DUSP5: variants seen among roughly 807,000 people sequenced by gnomAD.
DUSP5 encodes the protein dual specificity phosphatase 5.
Under a neutral mutation model 33.6 loss-of-function variants are expected in DUSP5, and 22 were observed. That is an observed-to-expected ratio of 0.66 (90% confidence interval 0.47 to 0.94). The LOEUF is 0.94. Among genes scored for constraint, DUSP5 ranks in the 40% least tolerant of loss-of-function variants. DUSP5 has a pLI of 0.00. For missense variants in DUSP5, 551 were observed against 522.1 expected (o/e 1.06, Z -0.54); for synonymous variants, 270 against 231.1 (o/e 1.17, Z -1.53).
At chr10:110,500,095 T>C (rs1046445099) in intron 1 of DUSP5, among the ~76,000 whole-genome samples, 1 of 152,232 alleles carries the variant, frequency 6.6e-6, no homozygotes, top group African/African-American at 2.4e-5. Flanking sequence ...CCAGTTCCAC[T>C]CCCCAGAGAC....
chr10:110,498,968 C>T (rs548494809), intron 1 of DUSP5, among the ~76,000 whole-genome samples: 1 of 152,202 alleles, frequency 6.6e-6, no homozygotes, highest in Non-Finnish European at 1.5e-5. Context: ...GTGGTCTTCA[C>T]CGACCCCCTT....
In DUSP5 at chr10:110,498,127, G is replaced by C. The variant is rs765038748; in HGVS notation, c.6G>C (p.Lys2Asn). 1 of 1,426,434 alleles carries C rather than the reference G, an allele frequency of 7.0e-7. No individual in the cohort carries two copies. Among genetic ancestry groups the C allele is most frequent in the Non-Finnish European group, 9.2e-7 (1 of 1,083,132 alleles). The allele number at this position is 1,426,434 out of a possible 1,614,324, so 88.4% of individuals were successfully genotyped here. ...TGGCCGGCGGCGGCGGCGGCATGAA[G>C]GTCACGTCGCTCGACGGGCGCCAGC... is the stretch of plus-strand genomic sequence containing the variant. M[K>N]VTSLDGRQLR... The change falls in exon 1 of 4, where the codon AAG (lysine) becomes AAC (asparagine). Residue 2 changes from lysine to asparagine, a missense_variant. Physicochemically the swap from Lys to Asn is moderately conservative, Grantham distance 94 (BLOSUM62 0). Around this residue, in one of 3 missense-constraint regions of DUSP5, gnomAD observed 381 missense variants for 310.4 expected, o/e 1.23. Coordinates refer to ENST00000369583, the MANE Select transcript of DUSP5 (RefSeq NM_004419.4).
chr10:110,504,209 C>T (rs896777813), intron 2 of DUSP5, among the ~76,000 whole-genome samples: 4 of 152,222 alleles, frequency 2.6e-5, no homozygotes, highest in African/African-American at 9.7e-5. Context: ...TGCGAAAGCA[C>T]GGCACATCTT....
At position 110,510,336 on chromosome 10, in the gene DUSP5, A is replaced by AT; in HGVS notation, c.1067dup (p.Ala358CysfsTer47). 2 of 1,614,144 alleles carry AT rather than the reference A, an allele frequency of 1.2e-6. No individual in the cohort carries two copies. Among genetic ancestry groups the AT allele is most frequent in the Non-Finnish European group, 1.7e-6 (2 of 1,180,020 alleles). ...CTGACATGCAGGGTGCCTACTGCAC[A>AT]TTCCCTGCCTCGGTGCTGGCACCGG... On this transcript the variant is annotated frameshift_variant, in exon 4 of 4. Coordinates refer to ENST00000369583, the MANE Select transcript of DUSP5 (RefSeq NM_004419.4). LOFTEE classifies it high-confidence loss of function.
At chr10:110,502,916 T>G in intron 2 of DUSP5, 47 bp downstream of exon 2, 2 of 1,608,370 alleles carry the variant, frequency 1.2e-6, no homozygotes, top group Middle Eastern at 3.3e-4. Flanking sequence ...TATTCTGGGC[T>G]CCTGTCTCCC....
At position 110,510,330 on chromosome 10, in the gene DUSP5, C is replaced by G. The variant is rs748846234; in HGVS notation, c.1059C>G (p.Tyr353Ter). The G allele has an allele frequency of 6.2e-7, 1 of 1,614,194 alleles. No homozygotes were observed. Among genetic ancestry groups the G allele is most frequent in the Non-Finnish European group, 8.5e-7 (1 of 1,180,040 alleles). The part of the protein sequence containing the change: ...QTLSPDMQGA[Y>*]CTFPASVLAP... ...TGAGCCCTGACATGCAGGGTGCCTA[C>G]TGCACATTCCCTGCCTCGGTGCTGG... Residue 353 changes from tyrosine (Y) to a stop codon, truncating the protein, a stop_gained, in exon 4 of 4, where the codon TAC (tyrosine) becomes TAG (stop). Coordinates refer to ENST00000369583, the MANE Select transcript of DUSP5 (RefSeq NM_004419.4). LOFTEE classifies it high-confidence loss of function.
intron 2 of DUSP5, among the ~76,000 whole-genome samples, chr10:110,505,360 A>C (rs1221692058): frequency 6.6e-6 from 1 of 152,218 alleles, no homozygotes; most frequent in East Asian, 1.9e-4. Context: ...AATTGGTATG[A>C]TGTAGGCACA....
chr10:110,507,178 G>T (rs1163382219), intron 3 of DUSP5, 24 bp downstream of exon 3: 3 of 1,603,308 alleles, frequency 1.9e-6, no homozygotes, highest in African/African-American at 1.3e-5. Flanking sequence ...TTCCCCTTCA[G>T]TTATTTTGGG....
chr10:110,499,539 AGAGCCGGCGCC>A (rs1397717951), intron 1 of DUSP5, among the ~76,000 whole-genome samples: 2 of 152,130 alleles, frequency 1.3e-5, no homozygotes, highest in African/African-American at 4.8e-5. Context: ...CTCGGTGCAG[AGAGCCGGCGCC>A]GAGTTAGGAG....
At position 110,498,194 on chromosome 10, in the gene DUSP5, G is replaced by A. The variant is rs1313266916; in HGVS notation, c.73G>A (p.Val25Met). The A allele has an allele frequency of 6.7e-7, 1 of 1,502,924 alleles. No individual in the cohort carries two copies. The highest frequency in any genetic ancestry group is 1.2e-5 in the South Asian group (1 of 85,110). 93.1% of individuals were successfully genotyped at this position (1,502,924 alleles called of 1,614,324 possible). A position where few individuals can be genotyped will look rare whatever the true frequency, so the allele number is the denominator to read the frequency against. The change falls in exon 1 of 4, where the codon GTG becomes ATG. Residue 25 changes from valine to methionine, a missense_variant. Transcript: ENST00000369583. ...LRKEAAARCV[V>M]LDCRPYLAFA... ...CAAGGAGGCGGCGGCGCGCTGCGTG[G>A]TGCTCGACTGCCGGCCCTATCTGGC...
chr10:110,507,054 C>T lies in DUSP5; in HGVS notation c.648C>T (p.Ser216=), dbSNP rs151037642. 6.5e-5 allele frequency: 105 copies of T among 1,614,246 alleles called. 1 individual carries two copies. In the African/African-American group the frequency reaches 1.2e-3, roughly 18 times the overall value. ...TGCTGAATGTCTCCCGACGGACCTC[C>T]GAGGCCTGCGCGACCCACCTACACT... The part of the protein sequence containing the change: ...TALLNVSRRT[S]EACATHLHYK... Residue 216 remains serine (S), a synonymous_variant, in exon 3 of 4, where the codon TCC becomes TCT. Coordinates refer to ENST00000369583, the MANE Select transcript of DUSP5 (RefSeq NM_004419.4).
intron 2 of DUSP5, among the ~76,000 whole-genome samples, chr10:110,505,975 T>C (rs1489836821): frequency 6.6e-6 from 1 of 152,142 alleles, no homozygotes; most frequent in Admixed American, 6.5e-5. Flanking sequence ...GGGAAGCCCC[T>C]CTGCTTGTGG....
At chr10:110,501,065 A>G (rs1013335291) in intron 1 of DUSP5, among the ~76,000 whole-genome samples, 1 of 152,180 alleles carries the variant, frequency 6.6e-6, no homozygotes, top group South Asian at 2.1e-4. Context: ...CTGAACTCCA[A>G]ATTCCCATCC....
rs920826912 is a variant in DUSP5, at chr10:110,497,941, C to T, written c.-181C>T. On this transcript the variant is annotated 5_prime_UTR_variant, in exon 1 of 4. Coordinates refer to ENST00000369583, the MANE Select transcript of DUSP5 (RefSeq NM_004419.4). ...GGCGGCGAGCGGCCGGGCTGGCTAT[C>T]GAGCGAGCGGGGCGGGAACGCGGAG... 2 of 339,094 alleles carry T rather than the reference C, an allele frequency of 5.9e-6. No individual in the cohort carries two copies. The highest frequency in any genetic ancestry group is 8.3e-6 in the Non-Finnish European group (2 of 239,570). 21.0% of individuals were successfully genotyped at this position (339,094 alleles called of 1,614,324 possible).
intron 1 of DUSP5, 141 bp downstream of exon 1, chr10:110,498,641 G>T: frequency 8.0e-7 from 1 of 1,249,724 alleles, no homozygotes; most frequent in Non-Finnish European, 1.0e-6. Context: ...TTGTGCGCTT[G>T]GGAGGGCACT....
chr10:110,507,708 T>C (rs1215468407), intron 3 of DUSP5, among the ~76,000 whole-genome samples: 1 of 152,244 alleles, frequency 6.6e-6, no homozygotes, highest in African/African-American at 2.4e-5. Context: ...TTGGCATCTT[T>C]TGCCTGCTTT....
chr10:110,506,441 GA>G (rs370031379), intron 2 of DUSP5, among the ~76,000 whole-genome samples: 1,867 of 148,634 alleles, frequency 0.013, 26 homozygotes, highest in African/African-American at 0.032. Flanking sequence ...TTCCAAAAAG[GA>G]AAAAAAAAAT....
intron 1 of DUSP5, among the ~76,000 whole-genome samples, chr10:110,501,100 C>G (rs1282259162): frequency 1.3e-5 from 2 of 152,202 alleles, no homozygotes; most frequent in Non-Finnish European, 2.9e-5. Flanking sequence ...CTCCTGGAAC[C>G]CATAATGTCG....
intron 3 of DUSP5, among the ~76,000 whole-genome samples, chr10:110,507,973 A>G (rs1279214296): frequency 6.6e-6 from 1 of 152,134 alleles, no homozygotes; most frequent in East Asian, 1.9e-4. Context: ...TCCAGCTCCC[A>G]TCTTCCTCTT....
Sources: allele counts gnomAD v4.1 joint callset (sites outside exome capture counted in the v4.1 genomes callset), GRCh38; gene constraint gnomAD v4.1.1; regional missense constraint gnomAD v4.1.1; transcripts MANE v1.5; gene names NCBI Gene and HGNC (gene_info 2026-07-23, HGNC 2026-07-21).